KIAA1549: variants seen among roughly 807,000 people sequenced by gnomAD.
The protein encoded by KIAA1549 is UPF0606 protein KIAA1549.
Under a neutral mutation model 156.4 loss-of-function variants are expected in KIAA1549, and 70 were observed. The observed-to-expected ratio is 0.45, with a 90% CI of 0.37 to 0.55. The LOEUF is 0.55. Ranked by LOEUF, KIAA1549 falls within the 20% of genes least tolerant of loss-of-function variation. The pLI is 0.00. For missense variants in KIAA1549, 2,428 were observed against 2,540.9 expected, an observed-to-expected ratio of 0.96 and a Z score of 0.96; for synonymous variants, 1,103 against 1,066.4, an observed-to-expected ratio of 1.03 and a Z score of -0.67.
At chr7:138,879,928 G>A (rs1811196169) in intron 11 of KIAA1549, among the ~76,000 whole-genome samples, 1 of 152,164 alleles carries the variant, frequency 6.6e-6, no homozygotes, top group Non-Finnish European at 1.5e-5. Flanking sequence ...AGGTCCCACA[G>A]TTACCAGGGC....
chr7:138,907,496 A>C (rs10262061), intron 5 of KIAA1549, among the ~76,000 whole-genome samples: 19,593 of 152,188 alleles, frequency 0.13, 1,418 homozygotes, highest in African/African-American at 0.21. Context: ...CCAGAATCCA[A>C]AACATACACA....
rs1424604639 is a variant in KIAA1549, at chr7:138,861,244, G to T, written c.5142C>A (p.Val1714=). The T allele has an allele frequency of 1.2e-6, 2 of 1,611,812 alleles. No homozygotes were observed. The highest frequency in any genetic ancestry group is 1.3e-5 in the African/African-American group (1 of 74,824). ...PASTAGVGPG[V]PPGLPANSTP... is the part of the protein sequence containing the mutation. Reference sequence around the variant, plus strand: ...TGCTGTTTGCGGGCAGGCCGGGTGGGACTCCGGGGCCTACACCTGCGGTGC... The same window carrying T: ...TGCTGTTTGCGGGCAGGCCGGGTGGTACTCCGGGGCCTACACCTGCGGTGC... Residue 1714 remains valine (V), a synonymous_variant, in exon 16 of 20, where the codon GTC becomes GTA. Coordinates refer to ENST00000422774, the MANE Select transcript of KIAA1549 (RefSeq NM_001164665.2).
Position 138,832,299 on chromosome 7 carries a change from C to T in KIAA1549, c.*5607G>A, listed in dbSNP as rs116323072. 929 of 198,140 alleles carry T rather than the reference C, an allele frequency of 4.7e-3. 6 individuals are homozygous for T. Among genetic ancestry groups the T allele is most frequent in the African/African-American group, 0.02 (851 of 42,886 alleles). The allele number at this position is 198,140 out of a possible 1,614,324, so 12.3% of individuals were successfully genotyped here. On this transcript the variant is annotated 3_prime_UTR_variant, in exon 20 of 20. Transcript: ENST00000422774. ...GCAGCCTCCAACTCATTGGCTCAAG[C>T]GATCCTCCAGTCTTAGCCTTTCGAG...
At chr7:138,863,286 G>A (rs753004856) in intron 15 of KIAA1549, among the ~76,000 whole-genome samples, 4 of 151,536 alleles carry the variant, frequency 2.6e-5, no homozygotes, top group Non-Finnish European at 5.9e-5. Context: ...CGTGCCTGCA[G>A]TTTAGCCCAG....
intron 16 of KIAA1549, among the ~76,000 whole-genome samples, chr7:138,855,502 G>A (rs1447881123): frequency 6.6e-6 from 1 of 152,288 alleles, no homozygotes; most frequent in Non-Finnish European, 1.5e-5. Flanking sequence ...GATTTAAGAG[G>A]AAGAATCAGC....
At position 138,907,065 on chromosome 7, in the gene KIAA1549, G is replaced by A. The variant is rs1381753805; in HGVS notation, c.3314C>T (p.Pro1105Leu). 3.1e-6 allele frequency: 5 copies of A among 1,610,446 alleles called. No individual in the cohort carries two copies. The South Asian group carries it at 4.4e-5, about 14-fold the overall frequency. The change falls in exon 6 of 20, where the codon CCT (proline) becomes CTT (leucine). Residue 1105 changes from proline to leucine, a missense_variant. Pro to Leu is a moderately conservative substitution (Grantham distance 98). Transcript: ENST00000422774. ...NITISSSRVT[P>L]RRGPVNIIFA... Reference sequence around the variant, plus strand: ...GATGATATTCACCGGGCCCCGCCGAGGAGTCACCCTTGAGGAACTGATGGT... The same window carrying A: ...GATGATATTCACCGGGCCCCGCCGAAGAGTCACCCTTGAGGAACTGATGGT...
intron 6 of KIAA1549, among the ~76,000 whole-genome samples, chr7:138,906,573 G>A (rs137945083): frequency 7.2e-5 from 11 of 152,232 alleles, no homozygotes; most frequent in East Asian, 1.9e-4. Flanking sequence ...ACCAAACATC[G>A]TATGTTCTCA....
chr7:138,913,075 C>T (rs993440769), intron 2 of KIAA1549, among the ~76,000 whole-genome samples: 7 of 152,184 alleles, frequency 4.6e-5, no homozygotes, highest in East Asian at 1.9e-4. Flanking sequence ...GGGGTTTCAC[C>T]GTGTTAGCCA....
At chr7:138,943,686 A>G (rs1219882135) in intron 1 of KIAA1549, among the ~76,000 whole-genome samples, 1 of 151,924 alleles carries the variant, frequency 6.6e-6, no homozygotes, top group African/African-American at 2.4e-5. Context: ...CGTCTCTACT[A>G]AAAATACAAA....
At chr7:138,977,969 G>C (rs1814430368) in intron 1 of KIAA1549, among the ~76,000 whole-genome samples, 1 of 152,130 alleles carries the variant, frequency 6.6e-6, no homozygotes, top group East Asian at 1.9e-4. Flanking sequence ...CAAAGTGCTG[G>C]GATTACAGGC....
At chr7:138,906,859 G>T (rs1158622906) in intron 6 of KIAA1549, 60 bp downstream of exon 6, 161 of 1,253,376 alleles carry the variant, frequency 1.3e-4, no homozygotes, top group Non-Finnish European at 1.6e-4. Flanking sequence ...TTAAGAAGAG[G>T]TCTTCCACCA....
At chr7:138,866,178 C>A (rs1245846048) in intron 15 of KIAA1549, among the ~76,000 whole-genome samples, 2 of 152,186 alleles carry the variant, frequency 1.3e-5, no homozygotes, top group African/African-American at 4.8e-5. Context: ...TACAGACAGC[C>A]TAACTCTGAA....
intron 10 of KIAA1549, among the ~76,000 whole-genome samples, chr7:138,893,612 G>GGTAT (rs1171168209): frequency 6.6e-6 from 1 of 152,228 alleles, no homozygotes; most frequent in Non-Finnish European, 1.5e-5. Flanking sequence ...AAATGTTCAA[G>GGTAT]GTATGTATTG....
At chr7:138,930,328 G>A (rs1299899337) in intron 1 of KIAA1549, among the ~76,000 whole-genome samples, 1 of 152,130 alleles carries the variant, frequency 6.6e-6, no homozygotes, top group Non-Finnish European at 1.5e-5. Flanking sequence ...CATGAGCACT[G>A]GCTTCAACTT....
intron 15 of KIAA1549, among the ~76,000 whole-genome samples, 163 bp downstream of exon 15, chr7:138,867,812 C>CCCACTTCA (rs1810794029): frequency 1.3e-5 from 2 of 152,202 alleles, no homozygotes; most frequent in African/African-American, 4.8e-5. Flanking sequence ...CCCCACCCCA[C>CCCACTTCA]CCACTTCATG....
rs570142190 is a variant in KIAA1549, at chr7:138,949,441, T to TA, written c.188-30004dup. ...GTAAAATTTAATTTTTATTTTTAAA[T>TA]AAAAAATCAGTATTTTTTTAAAGTA... On this transcript the variant is annotated intron_variant, in intron 1 of 19. Coordinates refer to ENST00000422774, the MANE Select transcript of KIAA1549 (RefSeq NM_001164665.2). Among the ~76,000 whole-genome samples, 69 of 152,220 alleles carry TA rather than the reference T, an allele frequency of 4.5e-4. No homozygotes were observed. The East Asian group carries it at 0.012, about 27-fold the overall frequency.
At chr7:138,906,801 GA>G (rs1254468618) in intron 6 of KIAA1549, 117 bp downstream of exon 6, 4 of 786,532 alleles carry the variant, frequency 5.1e-6, no homozygotes, top group Non-Finnish European at 7.5e-6. Flanking sequence ...ACGCCTTATG[GA>G]AAAATAATTT....
intron 1 of KIAA1549, among the ~76,000 whole-genome samples, chr7:138,971,582 C>A (rs573279293): frequency 1.3e-5 from 2 of 152,134 alleles, no homozygotes; most frequent in Non-Finnish European, 2.9e-5. Context: ...ACACACACAG[C>A]ACCCTTCATG....
chr7:138,898,841 C>T (rs1204295410), intron 9 of KIAA1549, 114 bp downstream of exon 9: 2 of 872,178 alleles, frequency 2.3e-6, no homozygotes, highest in Non-Finnish European at 3.7e-6. Context: ...GGCACTTCAC[C>T]ATCAGGGTTA....
Sources: allele counts gnomAD v4.1 joint callset (sites outside exome capture counted in the v4.1 genomes callset), GRCh38; gene constraint gnomAD v4.1.1; transcripts MANE v1.5; gene names NCBI Gene and HGNC (gene_info 2026-07-23, HGNC 2026-07-21).